The following ADH1B variants were observed in gnomAD, a reference collection of about 807,000 sequenced individuals.
ADH1B encodes the protein alcohol dehydrogenase 1B (class I), beta polypeptide, also known as all-trans-retinol dehydrogenase [NAD(+)] ADH1B.
ADH1B carries 29 observed loss-of-function variants against 34.6 expected under a neutral mutation model. The observed-to-expected ratio is 0.84, with a 90% CI of 0.62 to 1.14. The LOEUF (loss-of-function observed/expected upper bound fraction) is 1.14. ADH1B is among the 50% of genes most tolerant of loss of function. ADH1B has a pLI of 0.00. For synonymous variants in ADH1B, 170 were observed against 175.5 expected (o/e 0.97, Z 0.25); for missense variants, 424 against 468.4 (o/e 0.91, Z 0.87).
In ADH1B at chr4:99,305,916, CAG is replaced by C. The variant is rs1178767940; in HGVS notation, c.*1922_*1923del. 2 of 152,162 alleles carry C rather than the reference CAG, an allele frequency of 1.3e-5. No homozygotes were observed. The highest frequency in any genetic ancestry group is 2.9e-5 in the Non-Finnish European group (2 of 68,052). The allele number at this position is 152,162 out of a possible 1,614,324, so 9.4% of individuals were successfully genotyped here. A position where few individuals can be genotyped will look rare whatever the true frequency, so the allele number is the denominator to read the frequency against. ...ACAATCAGCATCAGTGTAAAAGCCG[CAG>C]AGCACCCAGCAACAGGTAGTGTCCC... On this transcript the variant is annotated 3_prime_UTR_variant, in exon 9 of 9. Coordinates refer to ENST00000305046, the MANE Select transcript of ADH1B (RefSeq NM_000668.6).
rs28914782 is a variant in ADH1B, at chr4:99,310,760, T to C, written c.1103+5A>G. 1,927 of 1,603,682 alleles carry C rather than the reference T, an allele frequency of 1.2e-3. 25 individuals are homozygous for C. The African/African-American group carries it at 0.022, about 18-fold the overall frequency. ...AGCAAAACAGAAAACTAACTTAAAA[T>C]CTACCTTTTCCCAGAGTGAAGCAGG... On this transcript the variant is annotated splice_donor_5th_base_variant and intron_variant, in intron 8 of 8. Coordinates refer to ENST00000305046, the MANE Select transcript of ADH1B (RefSeq NM_000668.6).
chr4:99,310,778 G>A lies in ADH1B; in HGVS notation c.1090C>T (p.His364Tyr), dbSNP rs756841974. Residue 364 changes from histidine to tyrosine, a missense_variant, in exon 8 of 9, where the codon CAC becomes TAC. His to Tyr is a moderately conservative substitution (Grantham distance 83). Coordinates refer to ENST00000305046, the MANE Select transcript of ADH1B (RefSeq NM_000668.6). Reference sequence around the variant, plus strand: ...CTTAAAATCTACCTTTTCCCAGAGTGAAGCAGGTCAAATCCTTCATTTATT... The same window carrying A: ...CTTAAAATCTACCTTTTCCCAGAGTAAAGCAGGTCAAATCCTTCATTTATT... ...EKINEGFDLL[H>Y]SGKSIRTVLT... The A allele has an allele frequency of 3.1e-6, 5 of 1,610,536 alleles. No homozygotes were observed. The highest frequency in any genetic ancestry group is 4.2e-6 in the Non-Finnish European group (5 of 1,179,060).
intron 1 of ADH1B, chr4:99,320,945 AT>A (rs1391639618): frequency 1.2e-5 from 15 of 1,233,638 alleles, no homozygotes; most frequent in East Asian, 5.7e-5. Context: ...AATAAAAATA[AT>A]AACACATTTG....
chr4:99,311,026 A>G lies in ADH1B; in HGVS notation c.965-123T>C, dbSNP rs374378175. 9 of 1,140,300 alleles carry G rather than the reference A, an allele frequency of 7.9e-6. No individual in the cohort carries two copies. In the African/African-American group the frequency reaches 1.4e-4, roughly 18 times the overall value. The allele number at this position is 1,140,300 out of a possible 1,614,324, so 70.6% of individuals were successfully genotyped here. A position where few individuals can be genotyped will look rare whatever the true frequency, so the allele number is the denominator to read the frequency against. On this transcript the variant is annotated intron_variant, in intron 7 of 8. Coordinates refer to ENST00000305046, the MANE Select transcript of ADH1B (RefSeq NM_000668.6). ...CCATTCCAGACTGCTATAACTGAGG[A>G]TAAGAAGAGATACAGTACTTCAATA...
chr4:99,309,119 A>G (rs1733685953), intron 8 of ADH1B, among the ~76,000 whole-genome samples: 1 of 152,106 alleles, frequency 6.6e-6, no homozygotes, highest in Admixed American at 6.5e-5. Context: ...TTTCTAATAG[A>G]TGACTGGAAT....
chr4:99,316,040 A>G lies in ADH1B; in HGVS notation c.425T>C (p.Leu142Pro). The G allele has an allele frequency of 6.2e-7, 1 of 1,614,198 alleles. No individual in the cohort carries two copies. The highest frequency in any genetic ancestry group is 8.5e-7 in the Non-Finnish European group (1 of 1,180,012). ...GTACTGGGAGAAGGTGCTGGTGCCA[A>G]GGAAGTGGTGAATGGGCTTCCCCCT... ...TCRGKPIHHFLGTSTFSQYTV... is the reference protein window; with the variant it reads ...TCRGKPIHHFPGTSTFSQYTV... Residue 142 changes from leucine to proline, a missense_variant, in exon 5 of 9, where the codon CTT becomes CCT. Physicochemically the swap from Leu to Pro is moderately conservative, Grantham distance 98. Transcript: ENST00000305046.
rs1304252921 is a variant in ADH1B, at chr4:99,313,696, CAG to C, written c.828+123_828+124del. The C allele has an allele frequency of 1.6e-5, 25 of 1,536,352 alleles. No homozygotes were observed. The African/African-American group carries it at 2.9e-4, about 18-fold the overall frequency. On this transcript the variant is annotated intron_variant, in intron 6 of 8. Coordinates refer to ENST00000305046, the MANE Select transcript of ADH1B (RefSeq NM_000668.6). Reference sequence around the variant, plus strand: ...AAAATTAAACAAGCCACATAACAAACAGATGATGGGAAATTTCCATTCATCAT... The same window carrying C: ...AAAATTAAACAAGCCACATAACAAACATGATGGGAAATTTCCATTCATCAT...
At position 99,316,121 on chromosome 4, in the gene ADH1B, G is replaced by T. The variant is rs749187226; in HGVS notation, c.348-4C>A. 6.2e-7 allele frequency: 1 copy of T among 1,614,152 alleles called. No homozygotes were observed. Among genetic ancestry groups the T allele is most frequent in the South Asian group, 1.1e-5 (1 of 91,088 alleles). On this transcript the variant is annotated splice_region_variant and splice_polypyrimidine_tract_variant and intron_variant, in intron 4 of 8. Coordinates refer to ENST00000305046, the MANE Select transcript of ADH1B (RefSeq NM_000668.6). ...GGTCCCCCGAGGATTGCCTAGACTG[G>T]GCAGTGCAATACACAGACACACAAA...
At chr4:99,310,473 G>A (rs1400670243) in intron 8 of ADH1B, 2 of 361,408 alleles carry the variant, frequency 5.5e-6, no homozygotes. Flanking sequence ...GTTTTTTTGT[G>A]GGGTTTTTTT....
rs1560524564 is a variant in ADH1B, at chr4:99,305,592, T to TATATATAC, written c.*2247_*2248insGTATATAT. On this transcript the variant is annotated 3_prime_UTR_variant, in exon 9 of 9. Transcript: ENST00000305046. ...ATATATATATATATATATATATATA[T>TATATATAC]ATATATATATATATATACAATCACT... The TATATATAC allele has an allele frequency of 3.5e-4, 36 of 103,530 alleles. No individual in the cohort carries two copies. Among genetic ancestry groups the TATATATAC allele is most frequent in the African/African-American group, 1.2e-3 (32 of 26,190 alleles). 6.4% of individuals were successfully genotyped at this position (103,530 alleles called of 1,614,324 possible).
rs140683864 is a variant in ADH1B at position 99,311,614 on chromosome 4, C to T, written c.871G>A (p.Val291Ile). 8.2e-5 allele frequency: 132 copies of T among 1,613,870 alleles called. No individual in the cohort carries two copies. The highest frequency in any genetic ancestry group is 1.1e-4 in the Non-Finnish European group (124 of 1,179,932). Residue 291 changes from valine to isoleucine, a missense_variant, in exon 7 of 9, where the codon GTC becomes ATC. Transcript: ENST00000305046. ...GAAGCAGGAGGTACCCCTACGATGACGCTTGTGCCACATGCCTCATGACAA... is the reference window on the plus strand; with the variant it reads ...GAAGCAGGAGGTACCCCTACGATGATGCTTGTGCCACATGCCTCATGACAA... Reference protein sequence around the residue: ...LCCHEACGTSVIVGVPPASQN... With the variant: ...LCCHEACGTSIIVGVPPASQN...
At chr4:99,318,415 T>C in intron 2 of ADH1B, 1 of 588,744 alleles carries the variant, frequency 1.7e-6, no homozygotes, top group Admixed American at 3.7e-5. Context: ...GTGAAATAAT[T>C]GATTCTGAAA....
intron 5 of ADH1B, chr4:99,315,426 A>G (rs1223223768): frequency 5.1e-6 from 1 of 196,404 alleles, no homozygotes; most frequent in Non-Finnish European, 1.1e-5. Flanking sequence ...AGAGTGGGTG[A>G]GCCTTGGTTT....
At chr4:99,318,663 A>G in intron 2 of ADH1B, 122 bp downstream of exon 2, 1 of 951,290 alleles carries the variant, frequency 1.1e-6, no homozygotes. Context: ...CAACAAATGT[A>G]ATTTTATCTT....
intron 2 of ADH1B, chr4:99,318,450 ACG>A: frequency 1.9e-6 from 1 of 528,108 alleles, no homozygotes. Flanking sequence ...GTAAGAATGC[ACG>A]CTTTAAAAAA....
At chr4:99,318,466 A>T in intron 2 of ADH1B, 4 of 522,806 alleles carry the variant, frequency 7.7e-6, no homozygotes, top group Non-Finnish European at 6.6e-6. Flanking sequence ...TAAAAAATAG[A>T]AGTAGAAATA....
chr4:99,315,787 T>C (rs1733866050), intron 5 of ADH1B, 111 bp downstream of exon 5: 1 of 1,369,542 alleles, frequency 7.3e-7, no homozygotes, highest in African/African-American at 1.4e-5. Flanking sequence ...CTACTCATAA[T>C]CGACACTTTA....
chr4:99,319,077 A>G (rs1169990541), intron 1 of ADH1B, 191 bp from the exon 2 acceptor site: 2 of 752,304 alleles, frequency 2.7e-6, no homozygotes, highest in Non-Finnish European at 4.8e-6. Flanking sequence ...ATAAGGAAAG[A>G]TAAACAAAGT....
chr4:99,310,358 G>A (rs1733719511), intron 8 of ADH1B: 1 of 456,096 alleles, frequency 2.2e-6, no homozygotes, highest in African/African-American at 2.0e-5. Flanking sequence ...AGGATGTCCT[G>A]AAAATTATTT....
Sources: allele counts gnomAD v4.1 joint callset (sites outside exome capture counted in the v4.1 genomes callset), GRCh38; gene constraint gnomAD v4.1.1; transcripts MANE v1.5; gene names NCBI Gene and HGNC (gene_info 2026-07-23, HGNC 2026-07-21).